Variants in DNM3 observed in about 807,000 individuals in gnomAD.
DNM3 encodes dynamin 3, also known as dynamin-3.
Under a neutral mutation model 101.6 loss-of-function variants are expected in DNM3, and 47 were observed. That is an observed-to-expected ratio of 0.46 (90% CI 0.37 to 0.59). The LOEUF is 0.59. Ranked by LOEUF, DNM3 falls within the 20% of genes least tolerant of loss-of-function variation. The probability of loss-of-function intolerance (pLI) is 0.00; values close to 1 mark genes in which losing one functional copy is unlikely to be tolerated. For missense variants in DNM3, 849 were observed against 1,085.7 expected, an observed-to-expected ratio of 0.78 and a Z score of 3.06; for synonymous variants, 385 against 387.9, an observed-to-expected ratio of 0.99 and a Z score of 0.09.
chr1:172,171,528 G>A (rs1186584511), intron 14 of DNM3, among the ~76,000 whole-genome samples: 1 of 151,716 alleles, frequency 6.6e-6, no homozygotes, highest in East Asian at 1.9e-4. Flanking sequence ...TAGGTTAGCT[G>A]TGCATTTTAT....
chr1:171,921,934 C>A, intron 2 of DNM3, 113 bp downstream of exon 2: 2 of 802,338 alleles, frequency 2.5e-6, no homozygotes, highest in Admixed American at 2.3e-5. Context: ...CCACTGTGGG[C>A]AGCTGCCCAC....
intron 2 of DNM3, among the ~76,000 whole-genome samples, chr1:171,940,599 T>G (rs1219585527): frequency 1.3e-5 from 2 of 152,198 alleles, no homozygotes; most frequent in Non-Finnish European, 2.9e-5. Context: ...CTATAAAAAG[T>G]TGGACTTAGA....
rs1220130939 is a variant in DNM3, at chr1:172,156,973, T to G, written c.1659+25685T>G. 2.0e-5 allele frequency among the ~76,000 whole-genome samples: 3 copies of G among 152,082 alleles called. No homozygotes were observed. In the South Asian group the frequency reaches 6.2e-4, roughly 31 times the overall value. On this transcript the variant is annotated intron_variant, in intron 14 of 20. Transcript: ENST00000627582. Reference sequence around the variant, plus strand: ...CATAGAGCAGGAGACCCCCAACCTTTTTGGCACCGGGGACTGGTTTCATGG... The same window carrying G: ...CATAGAGCAGGAGACCCCCAACCTTGTTGGCACCGGGGACTGGTTTCATGG...
Position 172,331,323 on chromosome 1 carries a change from A to G in DNM3, c.1893+7983A>G, listed in dbSNP as rs75902685. Among the ~76,000 whole-genome samples, 269 of 152,274 alleles carry G rather than the reference A, an allele frequency of 1.8e-3. 8 individuals carry two copies. In the East Asian group the frequency reaches 0.045, roughly 25 times the overall value. ...ATTTTTCTGCTGTTTTAAAAATCTC[A>G]TTGAGGTTTAAAGATAACATATAAT... is the stretch of plus-strand genomic sequence containing the variant. On this transcript the variant is annotated intron_variant, in intron 17 of 20. Coordinates refer to ENST00000627582, the MANE Select transcript of DNM3 (RefSeq NM_015569.5).
At chr1:172,385,804 A>G (rs1327947066) in intron 18 of DNM3, among the ~76,000 whole-genome samples, 4 of 152,232 alleles carry the variant, frequency 2.6e-5, no homozygotes, top group African/African-American at 9.7e-5. Flanking sequence ...TCATGAGTCT[A>G]GATAAGAGTT....
At chr1:172,267,807 G>C (rs1211452802) in intron 15 of DNM3, among the ~76,000 whole-genome samples, 1 of 151,944 alleles carries the variant, frequency 6.6e-6, no homozygotes, top group African/African-American at 2.4e-5. Flanking sequence ...CCGCCTCCCG[G>C]GTTCACACCA....
At chr1:172,349,450 C>T (rs956380794) in intron 17 of DNM3, among the ~76,000 whole-genome samples, 5 of 152,112 alleles carry the variant, frequency 3.3e-5, no homozygotes, top group African/African-American at 1.2e-4. Flanking sequence ...CTTTTATAGT[C>T]AGAGGGAATT....
At chr1:172,244,298 C>G (rs2061861704) in intron 14 of DNM3, among the ~76,000 whole-genome samples, 1 of 152,092 alleles carries the variant, frequency 6.6e-6, no homozygotes, top group African/African-American at 2.4e-5. Context: ...CAAGTCTTTG[C>G]TATCGTGAAT....
At chr1:172,047,024 G>A (rs573274004) in intron 9 of DNM3, among the ~76,000 whole-genome samples, 25 of 152,200 alleles carry the variant, frequency 1.6e-4, no homozygotes, top group Admixed American at 5.9e-4. Flanking sequence ...TTATATGCCT[G>A]TAAGATGATA....
intron 7 of DNM3, among the ~76,000 whole-genome samples, chr1:172,038,790 T>A (rs1321833269): frequency 6.6e-6 from 1 of 152,174 alleles, no homozygotes; most frequent in Non-Finnish European, 1.5e-5. Context: ...GATGCAAATA[T>A]CATTTGTATT....
intron 1 of DNM3, among the ~76,000 whole-genome samples, chr1:171,876,943 C>T (rs2035842049): frequency 6.6e-6 from 1 of 152,184 alleles, no homozygotes; most frequent in Non-Finnish European, 1.5e-5. Flanking sequence ...CCTTCTAATT[C>T]TGGCATGTTG....
intron 16 of DNM3, among the ~76,000 whole-genome samples, chr1:172,322,319 T>C (rs2065755032): frequency 6.6e-6 from 1 of 152,198 alleles, no homozygotes; most frequent in Admixed American, 6.5e-5. Flanking sequence ...TTCCACCCTG[T>C]GTCTCAGCGA....
At chr1:172,242,267 T>A (rs1249301080) in intron 14 of DNM3, among the ~76,000 whole-genome samples, 1 of 152,150 alleles carries the variant, frequency 6.6e-6, no homozygotes, top group South Asian at 2.1e-4. Context: ...GTATGTAGAC[T>A]TTCACTAAAC....
At chr1:172,133,049 C>T (rs914243285) in intron 14 of DNM3, 75 of 1,477,004 alleles carry the variant, frequency 5.1e-5, no homozygotes, top group Non-Finnish European at 5.7e-5. Flanking sequence ...CCAAGCCAAC[C>T]TCATCCCACA....
chr1:172,150,236 T>C (rs920464863), intron 14 of DNM3, among the ~76,000 whole-genome samples: 3 of 152,162 alleles, frequency 2.0e-5, no homozygotes, highest in Non-Finnish European at 4.4e-5. Flanking sequence ...ATTCATGCCA[T>C]CATGGAAATT....
rs906205944 is a variant in DNM3 at position 172,253,761 on chromosome 1, A to T, written c.1769+79A>T. On this transcript the variant is annotated intron_variant, in intron 15 of 20. Coordinates refer to ENST00000627582, the MANE Select transcript of DNM3 (RefSeq NM_015569.5). The stretch of plus-strand genomic sequence containing the variant: ...TGATTCAGAGATCATATTTGAAAAT[A>T]GTTCCTTTGGTCACACCTTGAAATT... 5.4e-6 allele frequency: 5 copies of T among 934,278 alleles called. No homozygotes were observed. In the Admixed American group the frequency reaches 1.5e-4, roughly 29 times the overall value. The allele number at this position is 934,278 out of a possible 1,614,324, so 57.9% of individuals were successfully genotyped here.
At chr1:172,042,367 G>A (rs917941616) in intron 8 of DNM3, among the ~76,000 whole-genome samples, 5 of 152,116 alleles carry the variant, frequency 3.3e-5, no homozygotes, top group African/African-American at 9.7e-5. Context: ...TACTAATTGA[G>A]TTTCCTAGTT....
At chr1:171,933,743 A>G (rs1571694963) in intron 2 of DNM3, among the ~76,000 whole-genome samples, 2 of 152,310 alleles carry the variant, frequency 1.3e-5, no homozygotes, top group Non-Finnish European at 2.9e-5. Context: ...AAGGATTAGC[A>G]TCTGAAAGTG....
At chr1:171,877,993 AG>A (rs1206148274) in intron 1 of DNM3, among the ~76,000 whole-genome samples, 16 of 152,348 alleles carry the variant, frequency 1.1e-4, no homozygotes, top group Admixed American at 7.2e-4. Context: ...GAGTTTCTAT[AG>A]TACTTAGGAC....
Sources: allele counts gnomAD v4.1 joint callset (sites outside exome capture counted in the v4.1 genomes callset), GRCh38; gene constraint gnomAD v4.1.1; transcripts MANE v1.5; gene names NCBI Gene and HGNC (gene_info 2026-07-23, HGNC 2026-07-21).